Variants in UBR3 observed in about 807,000 individuals in gnomAD.
UBR3 encodes ubiquitin protein ligase E3 component n-recognin 3, also known as E3 ubiquitin-protein ligase UBR3.
Under a neutral mutation model 243.2 loss-of-function variants are expected in UBR3, and 85 were observed. That is an observed-to-expected ratio of 0.35 (90% CI 0.29 to 0.42). The LOEUF (loss-of-function observed/expected upper bound fraction) is 0.42, where lower values mean the gene tolerates loss of function less well. Among genes scored for constraint, UBR3 ranks in the 10% least tolerant of loss-of-function variants. The probability of loss-of-function intolerance (pLI) is 1.00; values close to 1 mark genes in which losing one functional copy is unlikely to be tolerated. For missense variants in UBR3, 1,686 were observed against 2,300.8 expected, an observed-to-expected ratio of 0.73 and a Z score of 5.47; for synonymous variants, 748 against 799.8, an observed-to-expected ratio of 0.94 and a Z score of 1.09.
rs1312219522 is a variant in UBR3 at position 170,082,309 on chromosome 2, A to G, written c.*466A>G. 7.9e-5 allele frequency: 12 copies of G among 152,800 alleles called. No individual in the cohort carries two copies. The highest frequency in any genetic ancestry group is 7.8e-4 in the Admixed American group (12 of 15,288). The allele number at this position is 152,800 out of a possible 1,614,324, so 9.5% of individuals were successfully genotyped here. On this transcript the variant is annotated 3_prime_UTR_variant, in exon 39 of 39. Transcript: ENST00000272793. ...GAGAATTTTTCTGTATGTAATTAGA[A>G]AAAAATGTAAAACATGATTTATGTG...
chr2:170,033,487 T>C (rs7349241), intron 31 of UBR3, among the ~76,000 whole-genome samples: 2 of 150,716 alleles, frequency 1.3e-5, no homozygotes, highest in Non-Finnish European at 3.0e-5. Flanking sequence ...TCTCTCTGAT[T>C]CCAGAGCCTA....
At chr2:170,080,173 TA>T in intron 37 of UBR3, 150 bp downstream of exon 37, 1 of 776,758 alleles carries the variant, frequency 1.3e-6, no homozygotes, top group Non-Finnish European at 2.0e-6. Context: ...AGTAGAAGAG[TA>T]AAAAAAGAAA....
intron 10 of UBR3, among the ~76,000 whole-genome samples, chr2:169,908,608 C>T (rs2085112801): frequency 1.3e-5 from 2 of 152,122 alleles, no homozygotes; most frequent in Admixed American, 6.6e-5. Context: ...CATCGATTTA[C>T]TTCAGAAGCT....
intron 19 of UBR3, among the ~76,000 whole-genome samples, chr2:169,940,870 A>AT (rs1361455995): frequency 6.6e-6 from 1 of 152,192 alleles, no homozygotes; most frequent in Non-Finnish European, 1.5e-5. Context: ...TAATTTATAG[A>AT]TTTTAAATTA....
In UBR3 at chr2:169,914,874, T is replaced by G. The variant is rs73972676; in HGVS notation, c.1866+728T>G. Among the ~76,000 whole-genome samples, 967 of 127,008 alleles carry G rather than the reference T, an allele frequency of 7.6e-3. 6 individuals carry two copies. Among genetic ancestry groups the G allele is most frequent in the Non-Finnish European group, 9.2e-3 (555 of 60,646 alleles). The allele number at this position is 127,008 out of a possible 152,430, so 83.3% of individuals were successfully genotyped here. A position where few individuals can be genotyped will look rare whatever the true frequency, so the allele number is the denominator to read the frequency against. Reference sequence around the variant, plus strand: ...TGTGTGTGTGTGTGTGTGTGTGTGTTTTTTTTCCTTTCTGTTTAAAAAATT... The same window carrying G: ...TGTGTGTGTGTGTGTGTGTGTGTGTGTTTTTTCCTTTCTGTTTAAAAAATT... On this transcript the variant is annotated intron_variant, in intron 11 of 38. Transcript: ENST00000272793.
intron 23 of UBR3, among the ~76,000 whole-genome samples, chr2:169,953,127 C>T (rs191899802): frequency 7.2e-4 from 110 of 152,160 alleles, no homozygotes; most frequent in African/African-American, 2.4e-3. Flanking sequence ...TTTACAAAGG[C>T]CCTGATGCTA....
At chr2:170,080,286 A>C (rs761665001) in intron 37 of UBR3, 41 of 563,708 alleles carry the variant, frequency 7.3e-5, no homozygotes, top group Middle Eastern at 9.4e-4. Flanking sequence ...ATGTGCTGTG[A>C]AACAGAAGTC....
At chr2:169,967,205 T>C (rs1455207444) in intron 24 of UBR3, among the ~76,000 whole-genome samples, 3 of 151,870 alleles carry the variant, frequency 2.0e-5, no homozygotes, top group Non-Finnish European at 4.4e-5. Context: ...TATTTCTTCA[T>C]ATTAAAGCAA....
chr2:169,913,682 A>G (rs1431349452), intron 10 of UBR3, among the ~76,000 whole-genome samples: 1 of 152,156 alleles, frequency 6.6e-6, no homozygotes, highest in Non-Finnish European at 1.5e-5. Context: ...AACTGTCGCT[A>G]CTATCCATGT....
chr2:169,984,460 C>T (rs1033515425), intron 24 of UBR3, among the ~76,000 whole-genome samples: 5 of 152,136 alleles, frequency 3.3e-5, no homozygotes, highest in African/African-American at 1.2e-4. Flanking sequence ...ACTTGTGACT[C>T]TGTATATTAG....
rs2085361881 is a variant in UBR3, at chr2:169,914,162, AT to A, written c.1866+17del. The stretch of plus-strand genomic sequence containing the variant: ...CGTAGACGAGGTATGTATATTTTTG[AT>A]GTATGTAAATTTTTTGATGTATGTA... On this transcript the variant is annotated intron_variant, in intron 11 of 38. Coordinates refer to ENST00000272793, the MANE Select transcript of UBR3 (RefSeq NM_172070.4). The A allele has an allele frequency of 2.8e-6, 4 of 1,422,976 alleles. No homozygotes were observed. The highest frequency in any genetic ancestry group is 3.7e-6 in the Non-Finnish European group (4 of 1,071,218). The allele number at this position is 1,422,976 out of a possible 1,614,324, so 88.1% of individuals were successfully genotyped here.
intron 27 of UBR3, among the ~76,000 whole-genome samples, chr2:170,005,533 A>G (rs1450842860): frequency 2.0e-5 from 3 of 152,176 alleles, no homozygotes; most frequent in Non-Finnish European, 4.4e-5. Context: ...TGCAGATAGG[A>G]TAAGAAAAAC....
At chr2:169,993,115 C>G (rs991772999) in intron 25 of UBR3, among the ~76,000 whole-genome samples, 5 of 152,136 alleles carry the variant, frequency 3.3e-5, no homozygotes, top group Non-Finnish European at 7.4e-5. Flanking sequence ...AGAAATGTAA[C>G]ATTAGTAACA....
chr2:170,011,626 C>CTTTTTTTTTTTT (rs35877456), intron 29 of UBR3, among the ~76,000 whole-genome samples: 3 of 123,286 alleles, frequency 2.4e-5, no homozygotes, highest in African/African-American at 6.0e-5. Context: ...TACAGCTTTT[C>CTTTTTTTTTTTT]TTTTTTTTTT....
rs1558998986 is a variant in UBR3 at position 169,836,061 on chromosome 2, A to ATTTT, written c.545+8010_545+8011insTTTT. Among the ~76,000 whole-genome samples, 32 of 33,990 alleles carry ATTTT rather than the reference A, an allele frequency of 9.4e-4. 7 individuals are homozygous for ATTTT. The highest frequency in any genetic ancestry group is 1.7e-3 in the Non-Finnish European group (27 of 15,540). The allele number at this position is 33,990 out of a possible 152,430, so 22.3% of individuals were successfully genotyped here. Reference sequence around the variant, plus strand: ...TCTCTCTCTATATATATATATATATATATATATTTTTTTTTTTTTTTTTTT... The same window carrying ATTTT: ...TCTCTCTCTATATATATATATATATATTTTTATATATTTTTTTTTTTTTTTTTTT... On this transcript the variant is annotated intron_variant, in intron 1 of 38. Transcript: ENST00000272793.
At position 169,827,736 on chromosome 2, in the gene UBR3, G is replaced by A; in HGVS notation, c.229G>A (p.Ala77Thr). ...AAAGGEDAAA[A>T]GGGGGPGAAE... ...TGCCGGCGGCGAGGACGCGGCGGCG[G>A]CCGGAGGCGGGGGCGGTCCGGGGGC... Residue 77 changes from alanine (A) to threonine (T), a missense_variant, in exon 1 of 39, where the codon GCC becomes ACC. By Grantham distance (58) the Ala-to-Thr change is moderately conservative (BLOSUM62 0). This residue lies in a region of UBR3 where 145 missense variants were observed against 243.8 expected (regional missense o/e 0.59). Transcript: ENST00000272793. 1 of 1,238,672 alleles carries A rather than the reference G, an allele frequency of 8.1e-7. No homozygotes were observed. The highest frequency in any genetic ancestry group is 4.2e-5 in the Admixed American group (1 of 23,620). 76.7% of individuals were successfully genotyped at this position (1,238,672 alleles called of 1,614,324 possible).
At chr2:169,841,853 G>A (rs1559006643) in intron 1 of UBR3, among the ~76,000 whole-genome samples, 1 of 152,318 alleles carries the variant, frequency 6.6e-6, no homozygotes, top group South Asian at 2.1e-4. Context: ...GAGCTTCCCC[G>A]ACGAGCACCA....
chr2:170,081,425 G>C (rs192402082), intron 38 of UBR3, among the ~76,000 whole-genome samples: 1 of 151,170 alleles, frequency 6.6e-6, no homozygotes, highest in African/African-American at 2.4e-5. Context: ...GCATGAACTC[G>C]GGAGGCGGAG....
At chr2:170,038,330 G>A (rs555533674) in intron 31 of UBR3, among the ~76,000 whole-genome samples, 15 of 152,248 alleles carry the variant, frequency 9.9e-5, no homozygotes, top group African/African-American at 2.9e-4. Context: ...ATTTAATGTA[G>A]CAGTCTGAGA....
Sources: gnomAD v4.1 joint callset for allele counts (sites outside exome capture counted in the v4.1 genomes callset) on GRCh38, gnomAD v4.1.1 for gene constraint, gnomAD v4.1.1 regional missense constraint, MANE v1.5 for transcripts, NCBI Gene and HGNC (gene_info 2026-07-23, HGNC 2026-07-21) for gene names.